TSPEAR: variants seen among roughly 807,000 people sequenced by gnomAD.
TSPEAR encodes thrombospondin type laminin G domain and EAR repeats, also known as thrombospondin-type laminin G domain and EAR repeat-containing protein.
In TSPEAR, 69 loss-of-function variants were observed where a neutral mutation model predicts 71.6. That is an observed-to-expected ratio of 0.96 (90% CI 0.79 to 1.18). The LOEUF (loss-of-function observed/expected upper bound fraction) is 1.18, where lower values mean the gene tolerates loss of function less well. Among genes scored for constraint, TSPEAR ranks in the 50% most tolerant of loss-of-function variants. The probability of loss-of-function intolerance (pLI) is 0.00; values close to 1 mark genes in which losing one functional copy is unlikely to be tolerated. For missense variants in TSPEAR, 971 were observed against 894.9 expected (o/e 1.09, Z -1.09); for synonymous variants, 402 against 387.2 (o/e 1.04, Z -0.45).
chr21:44,554,836 G>A (rs2053500788), intron 2 of TSPEAR, among the ~76,000 whole-genome samples: 1 of 152,184 alleles, frequency 6.6e-6, no homozygotes, highest in South Asian at 2.1e-4. Context: ...TGTTTCTACT[G>A]GAATATGCTG....
chr21:44,525,261 G>A (rs950839712), intron 8 of TSPEAR, among the ~76,000 whole-genome samples: 6 of 151,854 alleles, frequency 4.0e-5, no homozygotes, highest in African/African-American at 1.5e-4. Context: ...TAGTCAAGTA[G>A]TTAGTCAAGA....
chr21:44,644,853 A>G (rs1230251446), intron 1 of TSPEAR, among the ~76,000 whole-genome samples: 4 of 152,214 alleles, frequency 2.6e-5, no homozygotes, highest in Admixed American at 2.0e-4. Context: ...AACCACTGAA[A>G]GTAAAATAAT....
intron 2 of TSPEAR, among the ~76,000 whole-genome samples, chr21:44,562,555 G>A (rs1233469619): frequency 6.6e-6 from 1 of 152,004 alleles, no homozygotes; most frequent in African/African-American, 2.4e-5. Context: ...CAAAAGATAC[G>A]CAAACAGACA....
chr21:44,591,636 G>A, intron 1 of TSPEAR: 1 of 1,613,846 alleles, frequency 6.2e-7, no homozygotes, highest in Non-Finnish European at 8.5e-7. Flanking sequence ...TAGACTGCTG[G>A]CAGCATGATG....
intron 2 of TSPEAR, among the ~76,000 whole-genome samples, chr21:44,542,011 G>A (rs2053229960): frequency 6.6e-6 from 1 of 152,224 alleles, no homozygotes; most frequent in Non-Finnish European, 1.5e-5. Context: ...AAGAGAAACA[G>A]ACGTGCAGGA....
rs587762469 is a variant in TSPEAR at position 44,642,681 on chromosome 21, A to C, written c.82+68752T>G. ...ACACGGTGAAACCCCGTCTCTACTA[A>C]AAATACAAAAATTGGCCAGGTGTGG... On this transcript the variant is annotated intron_variant, in intron 1 of 11. Transcript: ENST00000323084. This position sits in a 1 kb window ranked among gnomAD's most constrained non-coding sequence, Gnocchi z 4.1. 6.6e-6 allele frequency among the ~76,000 whole-genome samples: 1 copy of C among 152,262 alleles called. No individual in the cohort carries two copies. The highest frequency in any genetic ancestry group is 1.9e-4 in the East Asian group (1 of 5,190).
intron 1 of TSPEAR, among the ~76,000 whole-genome samples, chr21:44,680,478 G>A (rs587681969): frequency 6.6e-6 from 1 of 152,194 alleles, no homozygotes; most frequent in East Asian, 1.9e-4. Context: ...TATCAAAAAC[G>A]GTATACAGAT....
At chr21:44,557,122 T>G (rs2053544689) in intron 2 of TSPEAR, among the ~76,000 whole-genome samples, 1 of 152,198 alleles carries the variant, frequency 6.6e-6, no homozygotes, top group Admixed American at 6.5e-5. Flanking sequence ...CGGCATAATG[T>G]GACGCCACGC....
chr21:44,576,938 G>A (rs1296201186), intron 1 of TSPEAR, among the ~76,000 whole-genome samples: 1 of 152,120 alleles, frequency 6.6e-6, no homozygotes, highest in African/African-American at 2.4e-5. Context: ...TCACAGGAGG[G>A]CTGAGCATGC....
In TSPEAR at chr21:44,621,450, G is replaced by A. The variant is rs782641210; in HGVS notation, c.83-53445C>T. ...ATGTCCTGTGGGCCCAGCCCCCGCC[G>A]ATCAGTCTGCTCCAGCTTCTGTATG... On this transcript the variant is annotated intron_variant, in intron 1 of 11. Coordinates refer to ENST00000323084, the MANE Select transcript of TSPEAR (RefSeq NM_144991.3). Among the ~76,000 whole-genome samples the A allele has an allele frequency of 7.9e-5, 12 of 152,264 alleles. No homozygotes were observed. The South Asian group carries it at 1.0e-3, about 13-fold the overall frequency.
At chr21:44,531,236 G>T in intron 3 of TSPEAR, 103 bp from the exon 4 acceptor site, 1 of 868,186 alleles carries the variant, frequency 1.2e-6, no homozygotes, top group Non-Finnish European at 1.8e-6. Context: ...GCGTGCATCT[G>T]TGCTGTGGCT....
rs1272462974 is a variant in TSPEAR, at chr21:44,623,712, C to G, written c.83-55707G>C. Among the ~76,000 whole-genome samples, 2 of 152,198 alleles carry G rather than the reference C, an allele frequency of 1.3e-5. No homozygotes were observed. Among genetic ancestry groups the G allele is most frequent in the Admixed American group, 1.3e-4 (2 of 15,278 alleles). ...AGAATTCTAGCTTGGTGCTTCTTTTCTTTCAGACAGTAAATATATCATTCC... is the reference window on the plus strand; with the variant it reads ...AGAATTCTAGCTTGGTGCTTCTTTTGTTTCAGACAGTAAATATATCATTCC... On this transcript the variant is annotated intron_variant, in intron 1 of 11. Transcript: ENST00000323084. This position sits in a 1 kb window ranked among gnomAD's most constrained non-coding sequence, Gnocchi z 4.5.
intron 1 of TSPEAR, among the ~76,000 whole-genome samples, chr21:44,573,335 G>A (rs1388898417): frequency 1.3e-5 from 2 of 148,636 alleles, no homozygotes; most frequent in East Asian, 2.0e-4. Flanking sequence ...GCCACCCACA[G>A]GCACCCACTC....
At chr21:44,555,899 C>T (rs907755663) in intron 2 of TSPEAR, among the ~76,000 whole-genome samples, 14 of 152,170 alleles carry the variant, frequency 9.2e-5, no homozygotes, top group African/African-American at 2.4e-4. Flanking sequence ...CTGTGACACT[C>T]GGACAGGGAC....
intron 1 of TSPEAR, among the ~76,000 whole-genome samples, chr21:44,671,523 A>G (rs1986054167): frequency 6.6e-6 from 1 of 152,250 alleles, no homozygotes; most frequent in African/African-American, 2.4e-5. Flanking sequence ...TGACCCCAGA[A>G]AAGCCTCACC....
chr21:44,698,378 T>C (rs9984538), intron 1 of TSPEAR, among the ~76,000 whole-genome samples: 113,068 of 152,174 alleles, frequency 0.74, 42,361 homozygotes, highest in Middle Eastern at 0.85. Context: ...TCGCGCCCAG[T>C]CTCAGCCCTT....
Position 44,677,981 on chromosome 21 carries a change from AAGTAG to A in TSPEAR, c.82+33447_82+33451del. 7 of 1,110,940 alleles carry A rather than the reference AAGTAG, an allele frequency of 6.3e-6. No individual in the cohort carries two copies. The Middle Eastern group carries it at 1.4e-3, about 219-fold the overall frequency. The allele number at this position is 1,110,940 out of a possible 1,614,324, so 68.8% of individuals were successfully genotyped here. A position where few individuals can be genotyped will look rare whatever the true frequency, so the allele number is the denominator to read the frequency against. ...CAGTAGTCAACCACAGAGCTGCCTG[AAGTAG>A]AGTATCGGCGGCATGGTCACAGTGG... On this transcript the variant is annotated intron_variant, in intron 1 of 11. Transcript: ENST00000323084.
At chr21:44,556,632 C>T (rs967444339) in intron 2 of TSPEAR, among the ~76,000 whole-genome samples, 1 of 152,096 alleles carries the variant, frequency 6.6e-6, no homozygotes, top group East Asian at 1.9e-4. Flanking sequence ...GTGGAGGTTG[C>T]AGTGAGCCGA....
At chr21:44,595,073 T>C (rs1376657086) in intron 1 of TSPEAR, among the ~76,000 whole-genome samples, 4 of 152,144 alleles carry the variant, frequency 2.6e-5, no homozygotes, top group Admixed American at 6.5e-5. Context: ...CCACCTACCT[T>C]GGCCTCCCAA....
Sources: gnomAD v4.1 joint callset for allele counts (sites outside exome capture counted in the v4.1 genomes callset) on GRCh38, gnomAD v4.1.1 for gene constraint, Gnocchi (gnomAD v3.1) non-coding constraint, MANE v1.5 for transcripts, NCBI Gene and HGNC (gene_info 2026-07-23, HGNC 2026-07-21) for gene names.